NDUFA10: variants seen among roughly 807,000 people sequenced by gnomAD.
NDUFA10 encodes NADH:ubiquinone oxidoreductase subunit A10.
Under a neutral mutation model 47.8 loss-of-function variants are expected in NDUFA10, and 40 were observed. That is an observed-to-expected ratio of 0.84 (90% confidence interval 0.65 to 1.09). The LOEUF (loss-of-function observed/expected upper bound fraction) is 1.09, where lower values mean the gene tolerates loss of function less well. Among genes scored for constraint, NDUFA10 ranks in the 50% least tolerant of loss-of-function variants. NDUFA10 has a pLI of 0.00. For synonymous variants in NDUFA10, 183 were observed against 172.2 expected (o/e 1.06, Z -0.49); for missense variants, 413 against 451.1 (o/e 0.92, Z 0.76).
At chr2:239,963,051 G>A (rs770266530) in intron 9 of NDUFA10, among the ~76,000 whole-genome samples, 75 of 152,202 alleles carry the variant, frequency 4.9e-4, no homozygotes, top group Admixed American at 1.5e-3. Context: ...ATCTAAAGGC[G>A]GGGGGGAGGG....
chr2:240,014,475 T>C (rs1047075744), intron 5 of NDUFA10: 5 of 488,926 alleles, frequency 1.0e-5, no homozygotes, highest in Non-Finnish European at 1.5e-5. Context: ...GCCTCCCAAG[T>C]TTAAACAGCT....
At chr2:239,972,085 C>G (rs1165194878) in intron 9 of NDUFA10, among the ~76,000 whole-genome samples, 6 of 151,952 alleles carry the variant, frequency 3.9e-5, no homozygotes, top group African/African-American at 7.3e-5. Flanking sequence ...GTAGTCACCT[C>G]AGGGACATTC....
intron 9 of NDUFA10, chr2:239,969,519 G>A (rs1574827858): frequency 2.6e-6 from 1 of 382,624 alleles, no homozygotes; most frequent in East Asian, 7.2e-5. Flanking sequence ...GCACAGAAGA[G>A]CTTCTGGTGC....
At chr2:239,933,728 T>TA (rs1161836755) in intron 4 of NDUFA10, among the ~76,000 whole-genome samples, 1 of 151,964 alleles carries the variant, frequency 6.6e-6, no homozygotes, top group African/African-American at 2.4e-5. Flanking sequence ...TAAGGAATGA[T>TA]ATGTAGGGCC....
At chr2:239,946,982 G>A (rs1351273133) in intron 4 of NDUFA10, among the ~76,000 whole-genome samples, 1 of 152,246 alleles carries the variant, frequency 6.6e-6, no homozygotes, top group Non-Finnish European at 1.5e-5. Context: ...TGAAGTGCCA[G>A]GGCAGTGTCC....
chr2:239,941,376 G>A (rs543167660), intron 4 of NDUFA10, among the ~76,000 whole-genome samples: 1 of 152,234 alleles, frequency 6.6e-6, no homozygotes, highest in South Asian at 2.1e-4. Flanking sequence ...ATGCACCGGG[G>A]GCACAGAACT....
chr2:240,011,560 A>C (rs1697144056), intron 6 of NDUFA10, 57 bp downstream of exon 6: 5 of 1,418,124 alleles, frequency 3.5e-6, no homozygotes, highest in African/African-American at 1.4e-5. Flanking sequence ...GTTGGGGCCT[A>C]AGAAACGAGT....
intron 4 of NDUFA10, among the ~76,000 whole-genome samples, chr2:239,921,486 C>T (rs937325042): frequency 2.6e-5 from 4 of 152,226 alleles, no homozygotes; most frequent in South Asian, 4.1e-4. Flanking sequence ...CAATCTTCCC[C>T]GTGATTGGTT....
intron 4 of NDUFA10, among the ~76,000 whole-genome samples, chr2:239,905,711 A>G (rs11684055): frequency 0.58 from 87,393 of 151,664 alleles, 25,667 homozygotes; most frequent in Admixed American, 0.68. Context: ...CTTCCGAGGA[A>G]AGGTAGGCCC....
chr2:239,922,507 C>T (rs1232169994), intron 4 of NDUFA10, among the ~76,000 whole-genome samples: 20 of 152,206 alleles, frequency 1.3e-4, no homozygotes, highest in East Asian at 1.9e-4. Context: ...ATGTCTTTCT[C>T]GGATAGTGAC....
intron 4 of NDUFA10, 39 bp downstream of exon 4, chr2:240,018,514 C>T: frequency 6.2e-7 from 1 of 1,614,206 alleles, no homozygotes; most frequent in Non-Finnish European, 8.5e-7. Context: ...TGCAAAGTCG[C>T]ACCACACACC....
intron 4 of NDUFA10, among the ~76,000 whole-genome samples, chr2:239,916,150 CACAG>C (rs1334365834): frequency 5.3e-5 from 8 of 151,290 alleles, no homozygotes; most frequent in Non-Finnish European, 7.4e-5. Context: ...TACAGACACA[CACAG>C]AGAGACACAC....
chr2:240,000,075 TTA>T (rs1696642831), intron 8 of NDUFA10, among the ~76,000 whole-genome samples: 1 of 152,348 alleles, frequency 6.6e-6, no homozygotes, highest in East Asian at 1.9e-4. Context: ...GCACATACAA[TTA>T]TGTACAGTAC....
intron 3 of NDUFA10, chr2:240,020,940 T>C (rs377347047): frequency 4.7e-5 from 27 of 571,162 alleles, no homozygotes; most frequent in South Asian, 8.1e-5. Context: ...TATGTAAGTA[T>C]AGAAGCTTAA....
At chr2:239,981,609 T>A (rs1485831249) in intron 9 of NDUFA10, among the ~76,000 whole-genome samples, 1 of 152,100 alleles carries the variant, frequency 6.6e-6, no homozygotes, top group Non-Finnish European at 1.5e-5. Flanking sequence ...ATCTAAAGAA[T>A]AAAGGTCAAA....
At chr2:239,944,126 C>A (rs1284127454) in intron 4 of NDUFA10, among the ~76,000 whole-genome samples, 2 of 152,234 alleles carry the variant, frequency 1.3e-5, no homozygotes, top group Non-Finnish European at 2.9e-5. Context: ...GCCACCCTGC[C>A]CCTGACCACT....
chr2:239,955,563 G>A (rs1694636530), downstream of NDUFA10, among the ~76,000 whole-genome samples: 1 of 152,174 alleles, frequency 6.6e-6, no homozygotes, highest in Non-Finnish European at 1.5e-5. Flanking sequence ...CAGGACACGG[G>A]GGTTGGCACG....
At chr2:239,919,998 G>C (rs899285307) in intron 4 of NDUFA10, among the ~76,000 whole-genome samples, 1 of 152,206 alleles carries the variant, frequency 6.6e-6, no homozygotes, top group Non-Finnish European at 1.5e-5. Flanking sequence ...GTGTGCCCCA[G>C]CACCTGTGAG....
At chr2:239,902,629 C>T (rs1240776943) in intron 4 of NDUFA10, among the ~76,000 whole-genome samples, 2 of 152,208 alleles carry the variant, frequency 1.3e-5, no homozygotes, top group African/African-American at 2.4e-5. Context: ...CACTTGTACA[C>T]TCTGTGTCCA....
Sources: allele counts gnomAD v4.1 joint callset (sites outside exome capture counted in the v4.1 genomes callset), GRCh38; gene constraint gnomAD v4.1.1; transcripts MANE v1.5; gene names NCBI Gene and HGNC (gene_info 2026-07-23, HGNC 2026-07-21).